SOAT2: variants seen among roughly 807,000 people sequenced by gnomAD.
SOAT2 encodes ACAT-2.
In SOAT2, 87 loss-of-function variants were observed where a neutral mutation model predicts 76.0. The observed-to-expected ratio is 1.14, with a 90% CI of 0.96 to 1.37. The LOEUF (loss-of-function observed/expected upper bound fraction) is 1.37, where lower values mean the gene tolerates loss of function less well. Among genes scored for constraint, SOAT2 ranks in the 40% most tolerant of loss-of-function variants. SOAT2 has a pLI of 0.00. For missense variants in SOAT2, 686 were observed against 682.1 expected, an observed-to-expected ratio of 1.01 and a Z score of -0.06; for synonymous variants, 285 against 275.4, an observed-to-expected ratio of 1.03 and a Z score of -0.34.
chr12:53,110,836 A>C (rs1042671787), intron 5 of SOAT2, among the ~76,000 whole-genome samples: 13 of 152,142 alleles, frequency 8.5e-5, no homozygotes, highest in African/African-American at 3.1e-4. Flanking sequence ...TAATCTTTAA[A>C]ATTGTCTTTA....
chr12:53,105,771 C>A, intron 4 of SOAT2, 136 bp from the exon 5 acceptor site: 2 of 1,030,064 alleles, frequency 1.9e-6, no homozygotes, highest in Middle Eastern at 2.1e-4. Flanking sequence ...TTGCCCTAGG[C>A]ATGGTTGTGG....
chr12:53,120,920 TAGGG>T, intron 11 of SOAT2, 37 bp downstream of exon 11: 4 of 1,431,894 alleles, frequency 2.8e-6, no homozygotes, highest in Non-Finnish European at 3.9e-6. Flanking sequence ...AAGCTGGAGA[TAGGG>T]AGGGTTAGGG....
Position 53,118,411 on chromosome 12 carries a change from C to A in SOAT2, c.840C>A (p.Leu280=). The A allele has an allele frequency of 3.7e-6, 6 of 1,613,566 alleles. No individual in the cohort carries two copies. Among genetic ancestry groups the A allele is most frequent in the Non-Finnish European group, 5.1e-6 (6 of 1,179,666 alleles). The change falls in exon 8 of 15, where the codon CTC becomes CTA. Residue 280 remains leucine, a synonymous_variant. Coordinates refer to ENST00000301466, the MANE Select transcript of SOAT2 (RefSeq NM_003578.4). ...SYLYFLFCPT[L]IYRETYPRTP... ...TCTACTTCCTCTTCTGCCCAACACT[C>A]ATCTACAGGGAGACTTACCCTAGGT...
At chr12:53,106,065 T>C in intron 5 of SOAT2, 51 bp downstream of exon 5, 1 of 1,374,476 alleles carries the variant, frequency 7.3e-7, no homozygotes. Flanking sequence ...TCAGACCCTC[T>C]GGGTCCTCAG....
Position 53,118,896 on chromosome 12 carries a change from C to G in SOAT2, c.870C>G (p.Pro290=). 6.2e-6 allele frequency: 10 copies of G among 1,614,062 alleles called. No homozygotes were observed. The highest frequency in any genetic ancestry group is 8.5e-6 in the Non-Finnish European group (10 of 1,180,000). Residue 290 remains proline (P), a synonymous_variant, in exon 9 of 15, where the codon CCC becomes CCG. Coordinates refer to ENST00000301466, the MANE Select transcript of SOAT2 (RefSeq NM_003578.4). ...GTCCCCATTGCCGCTGCAGGACGCC[C>G]TATGTCAGGTGGAATTATGTGGCCA... is the stretch of plus-strand genomic sequence containing the variant. ...LIYRETYPRT[P]YVRWNYVAKN...
intron 5 of SOAT2, among the ~76,000 whole-genome samples, chr12:53,114,728 AAC>A (rs1938077019): frequency 6.6e-6 from 1 of 152,216 alleles, no homozygotes; most frequent in South Asian, 2.1e-4. Context: ...CTCTAAAAAA[AAC>A]AGTTTCTGAG....
At chr12:53,116,913 G>A (rs1360543007) in intron 7 of SOAT2, among the ~76,000 whole-genome samples, 1 of 149,662 alleles carries the variant, frequency 6.7e-6, no homozygotes, top group Non-Finnish European at 1.5e-5. Flanking sequence ...TCACTCACTT[G>A]AACACTTAAA....
intron 5 of SOAT2, among the ~76,000 whole-genome samples, chr12:53,110,269 G>A (rs1177382205): frequency 6.6e-6 from 1 of 152,158 alleles, no homozygotes; most frequent in African/African-American, 2.4e-5. Flanking sequence ...GTAAGTTTGG[G>A]ATTTTAATTA....
At position 53,104,173 on chromosome 12, in the gene SOAT2, C is replaced by T. The variant is rs759415442; in HGVS notation, c.105C>T (p.Ala35=). The part of the protein sequence containing the change: ...CGDGNTETHR[A]PDLVQWTRHM... The stretch of plus-strand genomic sequence containing the variant: ...CAGGAAACACTGAGACGCACAGAGC[C>T]CCGGACTTGGTACAATGGACCCGAC... The change falls in exon 2 of 15, where the codon GCC becomes GCT. Residue 35 remains alanine (A), a synonymous_variant. Transcript: ENST00000301466. The T allele has an allele frequency of 6.2e-7, 1 of 1,613,732 alleles. No individual in the cohort carries two copies. The highest frequency in any genetic ancestry group is 8.5e-7 in the Non-Finnish European group (1 of 1,179,760).
chr12:53,118,593 C>G (rs137950529), intron 8 of SOAT2, among the ~76,000 whole-genome samples, 159 bp downstream of exon 8: 2 of 152,036 alleles, frequency 1.3e-5, no homozygotes, highest in African/African-American at 2.4e-5. Flanking sequence ...GGTAGACTAC[C>G]CTGTCTCCTT....
At chr12:53,122,889 T>G (rs1408705811) in intron 12 of SOAT2, among the ~76,000 whole-genome samples, 192 bp from the exon 13 acceptor site, 1 of 151,916 alleles carries the variant, frequency 6.6e-6, no homozygotes, top group East Asian at 1.9e-4. Flanking sequence ...GAGGGGCTCC[T>G]CACTTCCCAG....
In SOAT2 at chr12:53,104,138, T is replaced by G. The variant is rs1420768975; in HGVS notation, c.83-13T>G. On this transcript the variant is annotated splice_polypyrimidine_tract_variant and intron_variant, in intron 1 of 14. Transcript: ENST00000301466. ...TTCCTCCTGTTGACTGTGCCTTTGA[T>G]CCCTCCTCACAGGAAACACTGAGAC... 2 of 1,612,076 alleles carry G rather than the reference T, an allele frequency of 1.2e-6. No individual in the cohort carries two copies. The highest frequency in any genetic ancestry group is 3.3e-5 in the Admixed American group (2 of 59,926).
chr12:53,104,958 G>C, intron 2 of SOAT2, 149 bp from the exon 3 acceptor site: 4 of 832,372 alleles, frequency 4.8e-6, no homozygotes, highest in Non-Finnish European at 3.5e-6. Context: ...TGCCACCACT[G>C]AACCCCCATC....
chr12:53,115,636 T>G lies in SOAT2; in HGVS notation c.690T>G (p.Cys230Trp). ...VEHQLPPASR[C>W]VLVFEQVRFL... The stretch of plus-strand genomic sequence containing the variant: ...ATCAGCTCCCGCCGGCCTCCCGTTG[T>G]GTCCTGGTCTTCGAGCAGGTGAGGG... The change falls in exon 6 of 15, where the codon TGT (cysteine) becomes TGG (tryptophan). Residue 230 changes from cysteine (C) to tryptophan (W), a missense_variant. Physicochemically the swap from Cys to Trp is radical, Grantham distance 215 (BLOSUM62 -2). Coordinates refer to ENST00000301466, the MANE Select transcript of SOAT2 (RefSeq NM_003578.4). 3 of 1,543,374 alleles carry G rather than the reference T, an allele frequency of 1.9e-6. No homozygotes were observed. The highest frequency in any genetic ancestry group is 1.9e-5 in the Admixed American group (1 of 52,528).
Position 53,103,520 on chromosome 12 carries a change from T to G in SOAT2, c.-58T>G, listed in dbSNP as rs1358775468. 6.8e-7 allele frequency: 1 copy of G among 1,468,390 alleles called. No homozygotes were observed. Among genetic ancestry groups the G allele is most frequent in the Non-Finnish European group, 9.2e-7 (1 of 1,081,790 alleles). The allele number at this position is 1,468,390 out of a possible 1,614,324, so 91.0% of individuals were successfully genotyped here. A position where few individuals can be genotyped will look rare whatever the true frequency, so the allele number is the denominator to read the frequency against. On this transcript the variant is annotated 5_prime_UTR_variant, in exon 1 of 15. Coordinates refer to ENST00000301466, the MANE Select transcript of SOAT2 (RefSeq NM_003578.4). Reference sequence around the variant, plus strand: ...AAGAGCTCTACAGGGCAGGCCACACTGCGAAGGAAGGAGGCAACACGGGCA... The same window carrying G: ...AAGAGCTCTACAGGGCAGGCCACACGGCGAAGGAAGGAGGCAACACGGGCA...
In SOAT2 at chr12:53,123,854, G is replaced by A. The variant is rs757794445; in HGVS notation, c.1499G>A (p.Arg500Gln). The change falls in exon 14 of 15, where the codon CGG (arginine) becomes CAG (glutamine). Residue 500 changes from arginine (R) to glutamine (Q), a missense_variant. Physicochemically the swap from Arg to Gln is conservative, Grantham distance 43. Coordinates refer to ENST00000301466, the MANE Select transcript of SOAT2 (RefSeq NM_003578.4). ...TACTGCCAGGAGTGGTACGCACGGCGGCACTGCCCCTTACCCCAGGTAAGA... is the reference window on the plus strand; with the variant it reads ...TACTGCCAGGAGTGGTACGCACGGCAGCACTGCCCCTTACCCCAGGTAAGA... ...SLYCQEWYAR[R>Q]HCPLPQATFW... 1.4e-5 allele frequency: 22 copies of A among 1,613,954 alleles called. No homozygotes were observed. The highest frequency in any genetic ancestry group is 1.0e-4 in the Admixed American group (6 of 59,982).
At chr12:53,117,272 T>TA (rs1449680981) in intron 7 of SOAT2, among the ~76,000 whole-genome samples, 56 of 148,160 alleles carry the variant, frequency 3.8e-4, no homozygotes, top group African/African-American at 1.3e-3. Flanking sequence ...ATTTTTTTTT[T>TA]TTTTTTTTTT....
chr12:53,114,229 GC>G (rs1296927136), intron 5 of SOAT2, among the ~76,000 whole-genome samples: 2 of 152,000 alleles, frequency 1.3e-5, no homozygotes, highest in African/African-American at 4.8e-5. Flanking sequence ...CAACAGCACT[GC>G]CTTTTGGTAA....
chr12:53,121,496 C>A, intron 12 of SOAT2, 95 bp downstream of exon 12: 1 of 1,037,202 alleles, frequency 9.6e-7, no homozygotes, highest in Admixed American at 1.9e-5. Context: ...GCAACTACAC[C>A]ACTCACCTAA....
Sources: allele counts gnomAD v4.1 joint callset (sites outside exome capture counted in the v4.1 genomes callset), GRCh38; gene constraint gnomAD v4.1.1; transcripts MANE v1.5; gene names NCBI Gene and HGNC (gene_info 2026-07-23, HGNC 2026-07-21).